FANCL: variants seen among roughly 807,000 people sequenced by gnomAD.
The protein encoded by FANCL is FA complementation group L.
A neutral mutation model predicts 59.4 loss-of-function variants in FANCL; 69 were observed. The ratio of observed to expected loss-of-function variants is 1.16; its 90% CI spans 0.96 to 1.42. FANCL has a LOEUF of 1.42. Ranked by LOEUF, FANCL falls within the 40% of genes most tolerant of loss-of-function variation. The pLI is 0.00. For synonymous variants in FANCL, 180 were observed against 147.1 expected (o/e 1.22, Z -1.62); for missense variants, 519 against 447.2 (o/e 1.16, Z -1.45).
intron 8 of FANCL, among the ~76,000 whole-genome samples, chr2:58,165,291 T>C (rs1254845702): frequency 6.6e-6 from 1 of 152,202 alleles, no homozygotes; most frequent in African/African-American, 2.4e-5. Context: ...AGTGGCATGG[T>C]CTACTGCAAG....
intron 7 of FANCL, among the ~76,000 whole-genome samples, chr2:58,175,957 A>T (rs1400209910): frequency 2.6e-5 from 4 of 152,166 alleles, no homozygotes; most frequent in Admixed American, 6.6e-5. Flanking sequence ...AAATCAATGT[A>T]CAAAAATCAC....
intron 7 of FANCL, among the ~76,000 whole-genome samples, chr2:58,178,464 G>C (rs1410219955): frequency 1.3e-5 from 2 of 151,952 alleles, no homozygotes; most frequent in African/African-American, 4.8e-5. Context: ...CACACAAACA[G>C]AACCAAAAAC....
At chr2:58,221,862 TA>T in intron 5 of FANCL, 79 bp downstream of exon 5, 1 of 1,001,460 alleles carries the variant, frequency 1.0e-6, no homozygotes, top group Non-Finnish European at 1.5e-6. Context: ...AAATCAGGTA[TA>T]AACTGCTAAA....
intron 4 of FANCL, among the ~76,000 whole-genome samples, chr2:58,225,370 C>A (rs1000605036): frequency 6.6e-6 from 1 of 151,892 alleles, no homozygotes; most frequent in African/African-American, 2.4e-5. Flanking sequence ...ATTAACCAAA[C>A]AACTGATGAG....
intron 1 of FANCL, 33 bp downstream of exon 1, chr2:58,241,185 C>T (rs372961987): frequency 5.8e-5 from 93 of 1,604,178 alleles, no homozygotes; most frequent in Non-Finnish European, 6.7e-5. Flanking sequence ...GCAAGAGGCT[C>T]TCTTAGCTAG....
chr2:58,202,660 C>T, intron 6 of FANCL, among the ~76,000 whole-genome samples: 1 of 151,618 alleles, frequency 6.6e-6, no homozygotes, highest in Non-Finnish European at 1.5e-5. Context: ...CAGAGAAATA[C>T]TAAAAGCATC....
In FANCL at chr2:58,184,511, C is replaced by G. The variant is rs369604375; in HGVS notation, c.540+14083G>C. On this transcript the variant is annotated intron_variant, in intron 7 of 13. Coordinates refer to ENST00000233741, the MANE Select transcript of FANCL (RefSeq NM_018062.4). ...ACAGTGAAGATCCAAAAATTACAAC[C>G]AGAACTTTGCAACTGTTAGATCTGC... Among the ~76,000 whole-genome samples, 51 of 152,058 alleles carry G rather than the reference C, an allele frequency of 3.4e-4. No individual in the cohort carries two copies. In the East Asian group the frequency reaches 6.6e-3, roughly 20 times the overall value.
intron 2 of FANCL, among the ~76,000 whole-genome samples, chr2:58,230,872 T>C (rs937576961): frequency 6.6e-6 from 1 of 152,226 alleles, no homozygotes; most frequent in African/African-American, 2.4e-5. Flanking sequence ...CTTGCTCAAA[T>C]ATATATCTTT....
At chr2:58,192,229 T>A (rs1259680068) in intron 7 of FANCL, among the ~76,000 whole-genome samples, 1 of 151,930 alleles carries the variant, frequency 6.6e-6, no homozygotes, top group Non-Finnish European at 1.5e-5. Context: ...AATGCACAGA[T>A]CTCAAATCTT....
rs749093931 is a variant in FANCL at position 58,159,299 on chromosome 2, T to G, written c.*466A>C. On this transcript the variant is annotated 3_prime_UTR_variant, in exon 14 of 14. Coordinates refer to ENST00000233741, the MANE Select transcript of FANCL (RefSeq NM_018062.4). ...TTACACACTACACAAAATAAATACT[T>G]GGATAACTCACGTCTAACAAACTAA... The G allele has an allele frequency of 3.6e-6, 5 of 1,394,458 alleles. No individual in the cohort carries two copies. Among genetic ancestry groups the G allele is most frequent in the Non-Finnish European group, 3.9e-6 (4 of 1,021,066 alleles). 86.4% of individuals were successfully genotyped at this position (1,394,458 alleles called of 1,614,324 possible).
At chr2:58,181,516 T>C (rs569777000) in intron 7 of FANCL, among the ~76,000 whole-genome samples, 1 of 152,140 alleles carries the variant, frequency 6.6e-6, no homozygotes, top group Admixed American at 6.6e-5. Context: ...TTCCAAATTT[T>C]ACAAAGAACT....
intron 7 of FANCL, among the ~76,000 whole-genome samples, chr2:58,175,206 C>A (rs1044268362): frequency 6.8e-6 from 1 of 147,640 alleles, no homozygotes; most frequent in African/African-American, 2.6e-5. Context: ...ACCAGAGGTA[C>A]AAGGAGGAAC....
At chr2:58,219,828 T>C (rs1169316153) in intron 5 of FANCL, among the ~76,000 whole-genome samples, 2 of 152,162 alleles carry the variant, frequency 1.3e-5, no homozygotes, top group Admixed American at 1.3e-4. Flanking sequence ...AGGCAAAGCA[T>C]GACTTTTCTA....
chr2:58,163,027 A>G lies in FANCL; in HGVS notation c.821+2T>C. 1 of 1,612,798 alleles carries G rather than the reference A, an allele frequency of 6.2e-7. No individual in the cohort carries two copies. The highest frequency in any genetic ancestry group is 8.5e-7 in the Non-Finnish European group (1 of 1,179,066). ...TAAAAATTATATTGCCAAGGTACCT[A>G]CCACAAATGTATGTTCCTGCTCAGC... On this transcript the variant is annotated splice_donor_variant, in intron 10 of 13. Coordinates refer to ENST00000233741, the MANE Select transcript of FANCL (RefSeq NM_018062.4). LOFTEE classifies it high-confidence loss of function.
intron 5 of FANCL, among the ~76,000 whole-genome samples, chr2:58,219,674 C>A (rs1317251162): frequency 6.6e-6 from 1 of 151,972 alleles, no homozygotes; most frequent in Admixed American, 6.6e-5. Context: ...GTAAGATTAG[C>A]ATACAGAAAT....
At chr2:58,194,666 C>T (rs1196895003) in intron 7 of FANCL, among the ~76,000 whole-genome samples, 2 of 151,994 alleles carry the variant, frequency 1.3e-5, no homozygotes, top group Non-Finnish European at 2.9e-5. Flanking sequence ...AATACACTGG[C>T]TGTTGCTGAT....
intron 12 of FANCL, among the ~76,000 whole-genome samples, chr2:58,160,698 A>G (rs1412479407): frequency 6.6e-6 from 1 of 152,032 alleles, no homozygotes; most frequent in East Asian, 1.9e-4. Flanking sequence ...CATAATTACA[A>G]AAGAAATCAC....
intron 5 of FANCL, among the ~76,000 whole-genome samples, chr2:58,209,271 GTCAGACTGGT>G (rs1486022986): frequency 6.6e-6 from 1 of 152,150 alleles, no homozygotes; most frequent in Non-Finnish European, 1.5e-5. Flanking sequence ...AGAGGATGTT[GTCAGACTGGT>G]TCACATTTAC....
At chr2:58,188,547 C>T (rs1230423548) in intron 7 of FANCL, among the ~76,000 whole-genome samples, 1 of 151,936 alleles carries the variant, frequency 6.6e-6, no homozygotes, top group Non-Finnish European at 1.5e-5. Flanking sequence ...AACTGATCCT[C>T]CCACCTCAGC....
Sources: allele counts gnomAD v4.1 joint callset (sites outside exome capture counted in the v4.1 genomes callset), GRCh38; gene constraint gnomAD v4.1.1; transcripts MANE v1.5; gene names NCBI Gene and HGNC (gene_info 2026-07-23, HGNC 2026-07-21).